The following FMN1 variants were observed in gnomAD, a reference collection of about 807,000 sequenced individuals.
FMN1 encodes formin 1.
In FMN1, 110 loss-of-function variants were observed where a neutral mutation model predicts 132.4. The observed-to-expected ratio is 0.83, with a 90% CI of 0.71 to 0.97. FMN1 has a LOEUF of 0.97. Among genes scored for constraint, FMN1 ranks in the 50% least tolerant of loss-of-function variants. The pLI is 0.00. For synonymous variants in FMN1, 722 were observed against 651.7 expected, an observed-to-expected ratio of 1.11 and a Z score of -1.64; for missense variants, 1,792 against 1,705.3, an observed-to-expected ratio of 1.05 and a Z score of -0.90.
Position 32,829,097 on chromosome 15 carries a change from T to C in FMN1, c.3929-24765A>G, listed in dbSNP as rs1453061359. Among the ~76,000 whole-genome samples, 6 of 152,304 alleles carry C rather than the reference T, an allele frequency of 3.9e-5. No individual in the cohort carries two copies. The East Asian group carries it at 1.2e-3, about 29-fold the overall frequency. ...TTGGTCACAGACTCAAAATGCAATGTGCAAGAACTCAGAAACTGGATAGCA... is the reference window on the plus strand; with the variant it reads ...TTGGTCACAGACTCAAAATGCAATGCGCAAGAACTCAGAAACTGGATAGCA... On this transcript the variant is annotated intron_variant, in intron 17 of 20. Transcript: ENST00000616417.
In FMN1 at chr15:33,008,094, G is replaced by A; in HGVS notation, c.2162-19C>T. On this transcript the variant is annotated intron_variant, in intron 6 of 20. Coordinates refer to ENST00000616417, the MANE Select transcript of FMN1 (RefSeq NM_001277313.2). ...TGGTATTCTGTAAAATCAAAAAAGA[G>A]GCCAATTATAAAGAAGTACAAAATT... 2 of 1,572,196 alleles carry A rather than the reference G, an allele frequency of 1.3e-6. No homozygotes were observed. The highest frequency in any genetic ancestry group is 1.2e-5 in the South Asian group (1 of 85,896).
chr15:33,119,098 T>C lies in FMN1; in HGVS notation c.1868-30124A>G, dbSNP rs1397469607. ...ATGACTTTTCAGCTAGAATTCTTCA[T>C]AGTTCAGCCCATAAAAACTAGAAAG... On this transcript the variant is annotated intron_variant, in intron 4 of 20. Coordinates refer to ENST00000616417, the MANE Select transcript of FMN1 (RefSeq NM_001277313.2). Among the ~76,000 whole-genome samples, 3 of 152,202 alleles carry C rather than the reference T, an allele frequency of 2.0e-5. 1 individual carries two copies. Among genetic ancestry groups the C allele is most frequent in the Admixed American group, 6.5e-5 (1 of 15,286 alleles).
At chr15:33,052,739 G>T (rs1467115556) in intron 6 of FMN1, among the ~76,000 whole-genome samples, 1 of 152,122 alleles carries the variant, frequency 6.6e-6, no homozygotes, top group Admixed American at 6.5e-5. Context: ...TTAAATCCTT[G>T]GACCAGACTG....
At chr15:32,813,803 C>T (rs1273276834) in intron 17 of FMN1, among the ~76,000 whole-genome samples, 1 of 152,202 alleles carries the variant, frequency 6.6e-6, no homozygotes, top group East Asian at 1.9e-4. Flanking sequence ...ATTTGGATTA[C>T]ACTAATAGTC....
chr15:32,878,882 A>T (rs545437192), intron 16 of FMN1, among the ~76,000 whole-genome samples: 88 of 152,352 alleles, frequency 5.8e-4, no homozygotes, highest in Non-Finnish European at 1.2e-3. Context: ...TATAAAATAG[A>T]GGGTAGAAAT....
At chr15:32,936,567 G>T (rs903205640) in intron 9 of FMN1, among the ~76,000 whole-genome samples, 3 of 151,988 alleles carry the variant, frequency 2.0e-5, no homozygotes, top group African/African-American at 7.3e-5. Flanking sequence ...GTTCTCATCT[G>T]CCCCCAAACA....
chr15:33,170,423 T>C (rs1965273522), intron 3 of FMN1, among the ~76,000 whole-genome samples: 1 of 152,120 alleles, frequency 6.6e-6, no homozygotes, highest in South Asian at 2.1e-4. Flanking sequence ...GGGACTATGT[T>C]AAACTAGGAA....
intron 17 of FMN1, among the ~76,000 whole-genome samples, chr15:32,849,654 G>A (rs539880311): frequency 6.6e-6 from 1 of 150,662 alleles, no homozygotes; most frequent in South Asian, 2.1e-4. Flanking sequence ...TGATAAAATA[G>A]CTTTCTTTTC....
intron 6 of FMN1, among the ~76,000 whole-genome samples, chr15:33,047,790 C>A (rs2036757908): frequency 6.6e-6 from 1 of 152,044 alleles, no homozygotes; most frequent in African/African-American, 2.4e-5. Context: ...TCCAGCTGTG[C>A]CTGCTTATTA....
At chr15:32,803,370 G>A (rs1187502168) in intron 18 of FMN1, among the ~76,000 whole-genome samples, 1 of 152,162 alleles carries the variant, frequency 6.6e-6, no homozygotes, top group East Asian at 1.9e-4. Context: ...GAGCCACACT[G>A]ACTAACCTGG....
intron 10 of FMN1, among the ~76,000 whole-genome samples, chr15:32,917,820 G>C (rs2060720787): frequency 1.3e-5 from 2 of 152,064 alleles, no homozygotes; most frequent in Admixed American, 1.3e-4. Flanking sequence ...ACCCACAAAA[G>C]GCTACAAAGA....
rs116139588 is a variant in FMN1 at position 33,029,039 on chromosome 15, T to G, written c.2162-20964A>C. Among the ~76,000 whole-genome samples, 1,262 of 152,270 alleles carry G rather than the reference T, an allele frequency of 8.3e-3. 22 individuals are homozygous for G. Among genetic ancestry groups the G allele is most frequent in the African/African-American group, 0.029 (1,203 of 41,536 alleles). ...AGAAATGACATTGTCAGAAGTAATA[T>G]CTATCTGCAAATTGAAGCTGATTTG... On this transcript the variant is annotated intron_variant, in intron 6 of 20. Coordinates refer to ENST00000616417, the MANE Select transcript of FMN1 (RefSeq NM_001277313.2).
chr15:33,177,132 A>C (rs971456944), intron 3 of FMN1, among the ~76,000 whole-genome samples: 1 of 152,250 alleles, frequency 6.6e-6, no homozygotes, highest in African/African-American at 2.4e-5. Flanking sequence ...AAGCTGAGGC[A>C]CAGGAGGGTA....
chr15:33,066,387 T>A (rs2037726172), intron 5 of FMN1: 1 of 840,832 alleles, frequency 1.2e-6, no homozygotes, highest in South Asian at 1.9e-5. Context: ...ATAATTTGAC[T>A]ATAATCCTTT....
intron 4 of FMN1, among the ~76,000 whole-genome samples, chr15:33,093,001 C>G (rs1436610836): frequency 6.6e-6 from 1 of 152,200 alleles, no homozygotes; most frequent in African/African-American, 2.4e-5. Context: ...CTTTAATCGT[C>G]TAAGAATATA....
At chr15:32,919,680 T>C (rs537090679) in intron 10 of FMN1, among the ~76,000 whole-genome samples, 2 of 152,274 alleles carry the variant, frequency 1.3e-5, no homozygotes, top group South Asian at 2.1e-4. Context: ...GGGTGCACGA[T>C]AAAAAAATTC....
chr15:32,853,724 A>G (rs2059061711), intron 17 of FMN1, among the ~76,000 whole-genome samples: 1 of 152,166 alleles, frequency 6.6e-6, no homozygotes, highest in Non-Finnish European at 1.5e-5. Context: ...ACAAACCCTA[A>G]ACCATACATT....
At chr15:32,894,042 G>C (rs1040881054) in intron 15 of FMN1, among the ~76,000 whole-genome samples, 33 of 152,306 alleles carry the variant, frequency 2.2e-4, no homozygotes, top group African/African-American at 7.9e-4. Flanking sequence ...ATTTCCTGAA[G>C]CTAAACATGC....
At chr15:32,908,964 A>G (rs2060494004) in intron 11 of FMN1, among the ~76,000 whole-genome samples, 1 of 152,204 alleles carries the variant, frequency 6.6e-6, no homozygotes, top group Non-Finnish European at 1.5e-5. Flanking sequence ...CCTTACTCTT[A>G]GAACAGCCCT....
Sources: gnomAD v4.1 joint callset for allele counts (sites outside exome capture counted in the v4.1 genomes callset) on GRCh38, gnomAD v4.1.1 for gene constraint, MANE v1.5 for transcripts, NCBI Gene and HGNC (gene_info 2026-07-23, HGNC 2026-07-21) for gene names.